Variants in ATF6 observed in about 807,000 individuals in gnomAD.
ATF6 encodes activating transcription factor 6.
ATF6 carries 53 observed loss-of-function variants against 83.6 expected under a neutral mutation model. That is an observed-to-expected ratio of 0.63 (90% CI 0.51 to 0.80). The LOEUF is 0.80. Among genes scored for constraint, ATF6 ranks in the 30% least tolerant of loss-of-function variants. The probability of loss-of-function intolerance (pLI) is 0.00; values close to 1 mark genes in which losing one functional copy is unlikely to be tolerated. For missense variants in ATF6, 744 were observed against 797.9 expected, an observed-to-expected ratio of 0.93 and a Z score of 0.81; for synonymous variants, 288 against 285.8, an observed-to-expected ratio of 1.01 and a Z score of -0.08.
At chr1:161,789,024 A>ACC (rs1557960682) in intron 4 of ATF6, among the ~76,000 whole-genome samples, 1 of 152,000 alleles carries the variant, frequency 6.6e-6, no homozygotes, top group African/African-American at 2.4e-5. Flanking sequence ...TTTTTTGGGT[A>ACC]CATGGTAGGC....
chr1:161,826,465 G>A (rs1685901575), intron 9 of ATF6, among the ~76,000 whole-genome samples: 2 of 152,134 alleles, frequency 1.3e-5, no homozygotes, highest in Admixed American at 1.3e-4. Flanking sequence ...TCAAAAAGGA[G>A]TTAGTAGAAA....
chr1:161,947,810 C>CTTTTTTTTTTTTTTTTTT (rs10524670), intron 15 of ATF6, among the ~76,000 whole-genome samples: 1 of 57,580 alleles, frequency 1.7e-5, no homozygotes, highest in African/African-American at 8.5e-5. Flanking sequence ...TAAGCCACGC[C>CTTTTTTTTTTTTTTTTTT]TTTTTTTTTT....
At chr1:161,946,168 T>C (rs1336249396) in intron 15 of ATF6, among the ~76,000 whole-genome samples, 3 of 152,148 alleles carry the variant, frequency 2.0e-5, no homozygotes, top group Non-Finnish European at 4.4e-5. Flanking sequence ...CTAATTTTTG[T>C]ATTTTTCATA....
chr1:161,901,154 C>CT (rs926066450), intron 14 of ATF6, among the ~76,000 whole-genome samples: 12 of 151,904 alleles, frequency 7.9e-5, no homozygotes, highest in South Asian at 4.1e-4. Context: ...TAAGGCTAGT[C>CT]TTTTTTTATA....
intron 6 of ATF6, among the ~76,000 whole-genome samples, chr1:161,798,470 G>A (rs1685071264): frequency 6.6e-6 from 1 of 152,176 alleles, no homozygotes; most frequent in Admixed American, 6.5e-5. Context: ...AAATTAGCCA[G>A]GCATGGTGGT....
intron 15 of ATF6, among the ~76,000 whole-genome samples, chr1:161,923,198 A>G (rs949146133): frequency 2.6e-5 from 4 of 152,270 alleles, no homozygotes; most frequent in African/African-American, 7.2e-5. Context: ...CTACTCAAAG[A>G]TAATTACCTT....
chr1:161,805,109 A>G (rs1471934866), intron 7 of ATF6, among the ~76,000 whole-genome samples: 2 of 152,168 alleles, frequency 1.3e-5, no homozygotes, highest in Non-Finnish European at 2.9e-5. Flanking sequence ...TTGTCAGCAA[A>G]GTCTCAATGT....
At chr1:161,821,516 A>G (rs1397334866) in intron 9 of ATF6, among the ~76,000 whole-genome samples, 1 of 152,250 alleles carries the variant, frequency 6.6e-6, no homozygotes, top group Non-Finnish European at 1.5e-5. Flanking sequence ...GAAGCTGAAC[A>G]TTGAACTGTA....
At chr1:161,910,085 T>A (rs560388492) in intron 14 of ATF6, among the ~76,000 whole-genome samples, 41 of 152,304 alleles carry the variant, frequency 2.7e-4, no homozygotes, top group African/African-American at 9.1e-4. Context: ...GAGAAAGTAA[T>A]GATTCAGGAT....
intron 14 of ATF6, among the ~76,000 whole-genome samples, chr1:161,881,135 G>GTGT (rs1395705189): frequency 1.3e-5 from 2 of 152,030 alleles, no homozygotes; most frequent in African/African-American, 4.8e-5. Flanking sequence ...AGGATTTTGT[G>GTGT]TGTGTGTTGT....
At chr1:161,903,837 C>T (rs1219192568) in intron 14 of ATF6, among the ~76,000 whole-genome samples, 1 of 152,150 alleles carries the variant, frequency 6.6e-6, no homozygotes, top group African/African-American at 2.4e-5. Context: ...TCTGTCTGTG[C>T]CACTCTGGCC....
intron 14 of ATF6, among the ~76,000 whole-genome samples, chr1:161,876,425 C>T (rs1687218145): frequency 6.6e-6 from 1 of 151,974 alleles, no homozygotes; most frequent in South Asian, 2.1e-4. Flanking sequence ...CTATTATATG[C>T]ACTTTTTCAG....
chr1:161,869,447 C>T (rs900306552), intron 14 of ATF6, among the ~76,000 whole-genome samples: 1 of 151,832 alleles, frequency 6.6e-6, no homozygotes, highest in African/African-American at 2.4e-5. Context: ...GACCTCAAAA[C>T]TTGAGTGTAC....
At chr1:161,807,863 A>ATTTTTTTTTTT (rs1557971141) in intron 7 of ATF6, among the ~76,000 whole-genome samples, 8 of 54,782 alleles carry the variant, frequency 1.5e-4, no homozygotes, top group African/African-American at 4.9e-4. Context: ...TTAGTTTGTC[A>ATTTTTTTTTTT]TCTTTTTTTT....
intron 14 of ATF6, among the ~76,000 whole-genome samples, chr1:161,883,311 C>G (rs1033933604): frequency 6.6e-6 from 1 of 151,980 alleles, no homozygotes; most frequent in Non-Finnish European, 1.5e-5. Flanking sequence ...TCTATATAAT[C>G]TCTTCTAATA....
chr1:161,949,469 G>A (rs1688820261), intron 15 of ATF6, among the ~76,000 whole-genome samples: 1 of 152,194 alleles, frequency 6.6e-6, no homozygotes, highest in Non-Finnish European at 1.5e-5. Flanking sequence ...TTTATTACCT[G>A]TGCAGGTATG....
intron 15 of ATF6, among the ~76,000 whole-genome samples, chr1:161,937,560 T>C (rs1452765938): frequency 6.6e-6 from 1 of 152,070 alleles, no homozygotes; most frequent in Non-Finnish European, 1.5e-5. Context: ...ATGGAATTAC[T>C]GCTCTTATAA....
intron 14 of ATF6, among the ~76,000 whole-genome samples, chr1:161,881,550 G>A (rs1284283336): frequency 2.0e-5 from 3 of 152,128 alleles, no homozygotes; most frequent in African/African-American, 7.2e-5. Flanking sequence ...TGGAAGAGAT[G>A]CATAGGGCAA....
At chr1:161,907,437 A>G (rs1416946530) in intron 14 of ATF6, among the ~76,000 whole-genome samples, 3 of 152,180 alleles carry the variant, frequency 2.0e-5, no homozygotes, top group Non-Finnish European at 4.4e-5. Context: ...CCAAATATAA[A>G]ATGTTAAGAG....
Sources: gnomAD v4.1 joint callset for allele counts (sites outside exome capture counted in the v4.1 genomes callset) on GRCh38, gnomAD v4.1.1 for gene constraint, MANE v1.5 for transcripts, NCBI Gene and HGNC (gene_info 2026-07-23, HGNC 2026-07-21) for gene names.